The following LPP variants were observed in gnomAD, a reference collection of about 807,000 sequenced individuals.
The protein encoded by LPP is LIM domain containing preferred translocation partner in lipoma, also known as lipoma-preferred partner.
A neutral mutation model predicts 60.4 loss-of-function variants in LPP; 38 were observed. The observed-to-expected ratio is 0.63, with a 90% CI of 0.49 to 0.83. The LOEUF is 0.83. LPP is among the 40% of genes least tolerant of loss of function. The pLI is 0.00. For missense variants in LPP, 902 were observed against 783.6 expected, an observed-to-expected ratio of 1.15 and a Z score of -1.80; for synonymous variants, 328 against 290.8, an observed-to-expected ratio of 1.13 and a Z score of -1.30.
At chr3:188,280,846 G>A (rs1287525201) in intron 2 of LPP, among the ~76,000 whole-genome samples, 1 of 151,994 alleles carries the variant, frequency 6.6e-6, no homozygotes, top group Admixed American at 6.6e-5. Flanking sequence ...GTATACAAAT[G>A]ACCTTAGGCC....
rs569949499 is a variant in LPP at position 188,574,124 on chromosome 3, G to A, written c.430-35037G>A. ...ACCAGGCCAAGAAGCAGCTGAGCTG[G>A]ATAGAAAGCATGCCTTCAGCACCCT... On this transcript the variant is annotated intron_variant, in intron 6 of 11. Transcript: ENST00000617246. 2.6e-5 allele frequency among the ~76,000 whole-genome samples: 4 copies of A among 152,242 alleles called. No homozygotes were observed. The South Asian group carries it at 8.3e-4, about 32-fold the overall frequency.
intron 2 of LPP, among the ~76,000 whole-genome samples, chr3:188,276,528 T>C (rs961334995): frequency 1.3e-5 from 2 of 152,176 alleles, no homozygotes; most frequent in African/African-American, 4.8e-5. Flanking sequence ...CATGTTGAAT[T>C]CTAATCCTCA....
chr3:188,618,239 G>C (rs1431961457), intron 7 of LPP, among the ~76,000 whole-genome samples: 1 of 152,146 alleles, frequency 6.6e-6, no homozygotes, highest in African/African-American at 2.4e-5. Context: ...TACAGTGTTT[G>C]ATCTGTTTCA....
At position 188,750,412 on chromosome 3, in the gene LPP, C is replaced by T. The variant is rs147118720; in HGVS notation, c.1241-9701C>T. Among the ~76,000 whole-genome samples the T allele has an allele frequency of 7.0e-3, 1,058 of 152,222 alleles. 13 individuals carry two copies. Among genetic ancestry groups the T allele is most frequent in the African/African-American group, 0.024 (1,003 of 41,536 alleles). ...TTGGGAGGCCGAGATGGGTGGATCA[C>T]CTGATGTCAGGAGTTTGAGACTAGC... On this transcript the variant is annotated intron_variant, in intron 8 of 11. Transcript: ENST00000617246.
intron 3 of LPP, among the ~76,000 whole-genome samples, chr3:188,391,571 TAA>T (rs1429944410): frequency 6.6e-6 from 1 of 152,082 alleles, no homozygotes; most frequent in Non-Finnish European, 1.5e-5. Context: ...TTCACAGAAG[TAA>T]TTAGATGGAC....
At chr3:188,800,368 C>T (rs1483682578) in intron 9 of LPP, among the ~76,000 whole-genome samples, 5 of 151,446 alleles carry the variant, frequency 3.3e-5, no homozygotes, top group Non-Finnish European at 5.9e-5. Context: ...GCCTCAGCCT[C>T]CCGAGTAGCT....
intron 9 of LPP, among the ~76,000 whole-genome samples, chr3:188,767,436 AT>A (rs1734510755): frequency 6.6e-6 from 1 of 152,190 alleles, no homozygotes; most frequent in African/African-American, 2.4e-5. Context: ...GTGAAAACAT[AT>A]TCTTTATAAA....
At chr3:188,825,269 C>CTCTATGTG (rs1463318065) in intron 9 of LPP, among the ~76,000 whole-genome samples, 1 of 101,690 alleles carries the variant, frequency 9.8e-6, no homozygotes, top group Admixed American at 1.2e-4. Context: ...CTCTCTCTCT[C>CTCTATGTG]TGTGTGTGTG....
chr3:188,536,146 T>C (rs1170260692), intron 6 of LPP, among the ~76,000 whole-genome samples: 1 of 151,962 alleles, frequency 6.6e-6, no homozygotes, highest in Non-Finnish European at 1.5e-5. Context: ...GTAACTGGGA[T>C]TACAGGGATG....
chr3:188,586,073 T>G (rs953267168), intron 6 of LPP, among the ~76,000 whole-genome samples: 1 of 152,202 alleles, frequency 6.6e-6, no homozygotes, highest in Non-Finnish European at 1.5e-5. Flanking sequence ...CCAGATACAT[T>G]AGCTTTATGG....
intron 5 of LPP, among the ~76,000 whole-genome samples, chr3:188,507,987 T>C (rs1403551614): frequency 6.6e-6 from 1 of 152,222 alleles, no homozygotes; most frequent in Admixed American, 6.5e-5. Context: ...ATAAAGAGCC[T>C]TTTATGCTAG....
chr3:188,386,529 C>A (rs1040829706), intron 3 of LPP, among the ~76,000 whole-genome samples: 2 of 152,166 alleles, frequency 1.3e-5, no homozygotes, highest in African/African-American at 4.8e-5. Flanking sequence ...GGTATATAAA[C>A]CTCTTTTGCC....
At chr3:188,320,080 G>C (rs1261987833) in intron 2 of LPP, among the ~76,000 whole-genome samples, 1 of 152,222 alleles carries the variant, frequency 6.6e-6, no homozygotes, top group Non-Finnish European at 1.5e-5. Context: ...CAGAGGTGAA[G>C]TACGCTTCTC....
At position 188,228,715 on chromosome 3, in the gene LPP, T is replaced by C. The variant is rs1718738065; in HGVS notation, c.-67+3188T>C. Among the ~76,000 whole-genome samples, 9 of 152,312 alleles carry C rather than the reference T, an allele frequency of 5.9e-5. No homozygotes were observed. The South Asian group carries it at 1.9e-3, about 32-fold the overall frequency. On this transcript the variant is annotated intron_variant, in intron 2 of 11. Coordinates refer to ENST00000617246, the MANE Select transcript of LPP (RefSeq NM_001375462.1). ...TAAAAAGGCAGTGAGTATGGTGGGA[T>C]GCCCTAACAGAAGTCCTGACAAGTA...
At chr3:188,541,228 G>A (rs1825088713) in intron 6 of LPP, among the ~76,000 whole-genome samples, 1 of 152,186 alleles carries the variant, frequency 6.6e-6, no homozygotes, top group South Asian at 2.1e-4. Context: ...GACCTGGAGG[G>A]CTTGTTAAAT....
intron 9 of LPP, among the ~76,000 whole-genome samples, chr3:188,782,688 A>G (rs1381165477): frequency 1.3e-5 from 2 of 151,848 alleles, no homozygotes; most frequent in Non-Finnish European, 2.9e-5. Flanking sequence ...TCTGATGCAG[A>G]TGAACCCAGC....
At chr3:188,556,501 T>C (rs991653474) in intron 6 of LPP, among the ~76,000 whole-genome samples, 2 of 152,094 alleles carry the variant, frequency 1.3e-5, no homozygotes, top group Admixed American at 1.3e-4. Flanking sequence ...ATCACTAACA[T>C]CTATAAAATT....
intron 8 of LPP, among the ~76,000 whole-genome samples, chr3:188,757,889 G>GTTGT (rs1553833774): frequency 1.3e-5 from 1 of 78,740 alleles, no homozygotes; most frequent in Non-Finnish European, 2.3e-5. Context: ...TGTTTTTTTG[G>GTTGT]TTTTTTTTTT....
intron 7 of LPP, among the ~76,000 whole-genome samples, chr3:188,687,322 C>G (rs577293838): frequency 6.6e-6 from 1 of 152,150 alleles, no homozygotes; most frequent in Admixed American, 6.5e-5. Context: ...GGAGTGTCCC[C>G]CACTTTCTTA....
Sources: gnomAD v4.1 joint callset for allele counts (sites outside exome capture counted in the v4.1 genomes callset) on GRCh38, gnomAD v4.1.1 for gene constraint, MANE v1.5 for transcripts, NCBI Gene and HGNC (gene_info 2026-07-23, HGNC 2026-07-21) for gene names.